The following SMUG1 variants were observed in gnomAD, a reference collection of about 807,000 sequenced individuals.
The protein encoded by SMUG1 is single-strand selective monofunctional uracil DNA glycosylase.
SMUG1 carries 13 observed loss-of-function variants against 23.9 expected under a neutral mutation model. The ratio of observed to expected loss-of-function variants is 0.54; its 90% CI spans 0.35 to 0.86. The LOEUF (loss-of-function observed/expected upper bound fraction) is 0.86. Ranked by LOEUF, SMUG1 falls within the 40% of genes least tolerant of loss-of-function variation. The pLI is 0.01. For missense variants in SMUG1, 313 were observed against 339.5 expected, an observed-to-expected ratio of 0.92 and a Z score of 0.61; for synonymous variants, 133 against 139.8, an observed-to-expected ratio of 0.95 and a Z score of 0.34.
In SMUG1 at chr12:54,181,878, A is replaced by G; in HGVS notation, c.*218T>C. 2.8e-6 allele frequency: 4 copies of G among 1,423,276 alleles called. No homozygotes were observed. The highest frequency in any genetic ancestry group is 1.6e-5 in the South Asian group (1 of 62,468). The allele number at this position is 1,423,276 out of a possible 1,614,324, so 88.2% of individuals were successfully genotyped here. ...GGGTCCCCTGAAAGGGGCAATGTTAAAAGGTAAAGAAAGCAGGAATCAGGA... is the reference window on the plus strand; with the variant it reads ...GGGTCCCCTGAAAGGGGCAATGTTAGAAGGTAAAGAAAGCAGGAATCAGGA... On this transcript the variant is annotated 3_prime_UTR_variant, in exon 4 of 4. Transcript: ENST00000682136.
At chr12:54,188,062 T>C (rs1942866363) in intron 1 of SMUG1, among the ~76,000 whole-genome samples, 160 bp from the exon 2 acceptor site, 1 of 151,760 alleles carries the variant, frequency 6.6e-6, no homozygotes, top group Non-Finnish European at 1.5e-5. Flanking sequence ...TTTTATAAAA[T>C]ACGGTGTCAT....
At chr12:54,184,903 C>T (rs1941961800) in intron 2 of SMUG1, among the ~76,000 whole-genome samples, 1 of 152,256 alleles carries the variant, frequency 6.6e-6, no homozygotes, top group Non-Finnish European at 1.5e-5. Context: ...GTGGCTCATG[C>T]CTGTAATCCC....
intron 2 of SMUG1, among the ~76,000 whole-genome samples, chr12:54,186,561 C>T (rs60775706): frequency 1.3e-3 from 191 of 152,134 alleles, no homozygotes; most frequent in African/African-American, 4.4e-3. Context: ...AGGCTGGTCT[C>T]GAACTCCTGA....
chr12:54,184,084 C>T, intron 2 of SMUG1, 125 bp from the exon 3 acceptor site: 1 of 747,066 alleles, frequency 1.3e-6, no homozygotes, highest in Non-Finnish European at 2.1e-6. Flanking sequence ...CCATGTCAGT[C>T]ATCTACCAAC....
chr12:54,158,526 G>A (rs1171649131), intron 4 of SMUG1, among the ~76,000 whole-genome samples: 1 of 151,900 alleles, frequency 6.6e-6, no homozygotes. Context: ...ATTGCACTGG[G>A]GTGTTGTTGA....
chr12:54,159,180 G>A (rs1327780518), intron 4 of SMUG1, among the ~76,000 whole-genome samples: 1 of 151,762 alleles, frequency 6.6e-6, no homozygotes, highest in Admixed American at 6.5e-5. Flanking sequence ...CCCCAGCGGA[G>A]GAGAGGGGTC....
At chr12:54,182,887 C>T in intron 3 of SMUG1, 1 of 520,360 alleles carries the variant, frequency 1.9e-6, no homozygotes, top group Non-Finnish European at 3.3e-6. Context: ...ACAGGGACTA[C>T]ATTGAGATAT....
chr12:54,179,341 C>T (rs1940830420), downstream of SMUG1, among the ~76,000 whole-genome samples: 1 of 152,182 alleles, frequency 6.6e-6, no homozygotes, highest in African/African-American at 2.4e-5. Flanking sequence ...CATAACAGTG[C>T]TGTTCTCTAA....
chr12:54,185,500 AT>A (rs59875271), intron 2 of SMUG1, among the ~76,000 whole-genome samples: 6,719 of 99,868 alleles, frequency 0.067, 1,894 homozygotes, highest in Non-Finnish European at 0.097. Flanking sequence ...AAATAAATAA[AT>A]AAATAAATAA....
downstream of SMUG1, among the ~76,000 whole-genome samples, chr12:54,176,349 GTC>G: frequency 6.6e-6 from 1 of 151,652 alleles, no homozygotes. Context: ...GTGAAACCCC[GTC>G]TCTACAAAAA....
In SMUG1 at chr12:54,180,563, C is replaced by T. The variant is rs777705467; in HGVS notation, c.*1533G>A. The T allele has an allele frequency of 6.6e-6, 1 of 152,154 alleles. No individual in the cohort carries two copies. The highest frequency in any genetic ancestry group is 6.5e-5 in the Admixed American group (1 of 15,270). 9.4% of individuals were successfully genotyped at this position (152,154 alleles called of 1,614,324 possible). On this transcript the variant is annotated 3_prime_UTR_variant, in exon 4 of 4. Transcript: ENST00000682136. ...TTTCCCAGCCCTTACCAAAGGGGCA[C>T]CCAGTCAACCATTCAGCAGACATAA...
chr12:54,187,978 G>C (rs1942847595), intron 1 of SMUG1, 76 bp from the exon 2 acceptor site: 1 of 152,066 alleles, frequency 6.6e-6, no homozygotes, highest in Non-Finnish European at 1.5e-5. Context: ...AAAACACTAA[G>C]AGAACCCAAA....
At chr12:54,179,560 G>A (rs566703073), downstream of SMUG1, among the ~76,000 whole-genome samples, 21 of 152,194 alleles carry the variant, frequency 1.4e-4, no homozygotes, top group Middle Eastern at 6.8e-3. Flanking sequence ...AGGAGTCTAT[G>A]GCATGTGGAA....
downstream of SMUG1, among the ~76,000 whole-genome samples, chr12:54,179,349 T>TGGA (rs1940831296): frequency 6.6e-6 from 1 of 152,228 alleles, no homozygotes; most frequent in Non-Finnish European, 1.5e-5. Context: ...TGCTGTTCTC[T>TGGA]AAGTTATCCA....
At chr12:54,171,448 T>C (rs1204574922) in intron 3 of SMUG1, among the ~76,000 whole-genome samples, 3 of 150,894 alleles carry the variant, frequency 2.0e-5, no homozygotes, top group Non-Finnish European at 4.4e-5. Flanking sequence ...TCCCAGCACT[T>C]TGGGAGGCCA....
Position 54,182,515 on chromosome 12 carries a change from G to A in SMUG1, c.394C>T (p.Pro132Ser). Reference protein sequence around the residue: ...PKRPVLGLECPQSEVSGARFW... With the variant: ...PKRPVLGLECSQSEVSGARFW... ...CGGGCACCACTCACTTCTGACTGTG[G>A]GCACTCCAGTCCCAGCACTGGTCGT... is the stretch of plus-strand genomic sequence containing the variant. The change falls in exon 4 of 4, where the codon CCA becomes TCA. Residue 132 changes from proline (P) to serine (S), a missense_variant. Coordinates refer to ENST00000682136, the MANE Select transcript of SMUG1 (RefSeq NM_001243787.2). 3 of 1,614,172 alleles carry A rather than the reference G, an allele frequency of 1.9e-6. No homozygotes were observed.
At position 54,182,350 on chromosome 12, in the gene SMUG1, G is replaced by T. The variant is rs769447985; in HGVS notation, c.559C>A (p.Arg187=). 6.2e-7 allele frequency: 1 copy of T among 1,614,140 alleles called. No individual in the cohort carries two copies. Among genetic ancestry groups the T allele is most frequent in the East Asian group, 2.2e-5 (1 of 44,862 alleles). The part of the protein sequence containing the change: ...LTPAELPAKQ[R]EQLLGICDAA... The stretch of plus-strand genomic sequence containing the variant: ...TCACAGATCCCAAGAAGCTGTTCTC[G>T]CTGCTTGGCAGGCAGCTCAGCAGGA... The change falls in exon 4 of 4, where the codon CGA becomes AGA. Residue 187 remains arginine, a synonymous_variant. Coordinates refer to ENST00000682136, the MANE Select transcript of SMUG1 (RefSeq NM_001243787.2).
At chr12:54,168,033 G>C (rs1251931305) in intron 3 of SMUG1, among the ~76,000 whole-genome samples, 1 of 152,190 alleles carries the variant, frequency 6.6e-6, no homozygotes, top group African/African-American at 2.4e-5. Context: ...TCAGGAGTAA[G>C]GAGGCCAATC....
At chr12:54,176,578 G>A (rs1392753065), downstream of SMUG1, among the ~76,000 whole-genome samples, 52 of 147,126 alleles carry the variant, frequency 3.5e-4, 1 homozygote, top group South Asian at 2.1e-4. Flanking sequence ...AGGCCGAGAC[G>A]GGCGGATCAC....
Sources: gnomAD v4.1 joint callset for allele counts (sites outside exome capture counted in the v4.1 genomes callset) on GRCh38, gnomAD v4.1.1 for gene constraint, MANE v1.5 for transcripts, NCBI Gene and HGNC (gene_info 2026-07-23, HGNC 2026-07-21) for gene names.